SLC25A30: variants seen among roughly 807,000 people sequenced by gnomAD.
SLC25A30 encodes solute carrier family 25 member 30, also known as kidney mitochondrial carrier protein 1.
SLC25A30 carries 29 observed loss-of-function variants against 42.7 expected under a neutral mutation model. That is an observed-to-expected ratio of 0.68 (90% CI 0.51 to 0.93). The LOEUF (loss-of-function observed/expected upper bound fraction) is 0.93. SLC25A30 is among the 40% of genes least tolerant of loss of function. The pLI is 0.00. For missense variants in SLC25A30, 300 were observed against 359.7 expected (o/e 0.83, Z 1.34); for synonymous variants, 124 against 131.0 (o/e 0.95, Z 0.37).
chr13:45,398,915 T>A (rs201590763), intron 8 of SLC25A30, 25 bp downstream of exon 8: 3 of 1,608,746 alleles, frequency 1.9e-6, no homozygotes, highest in Non-Finnish European at 2.5e-6. Context: ...TTCACAACCC[T>A]GCAGAGACAG....
the SLC25A30 span, among the ~76,000 whole-genome samples, chr13:45,423,948 A>ATATATGAATATATATAAAC: frequency 4.1e-5 from 2 of 48,668 alleles, no homozygotes; most frequent in Non-Finnish European, 8.7e-5. Context: ...TATATAAAAA[A>ATATATGAATATATATAAAC]ATATATGAAT....
chr13:45,410,142 T>G (rs2137676135), intron 2 of SLC25A30, among the ~76,000 whole-genome samples: 1 of 152,326 alleles, frequency 6.6e-6, no homozygotes, highest in South Asian at 2.1e-4. Context: ...GCTGAATGAA[T>G]GACTCCAGAG....
chr13:45,423,869 T>TC, the SLC25A30 span, among the ~76,000 whole-genome samples: 2 of 60,374 alleles, frequency 3.3e-5, no homozygotes, highest in Non-Finnish European at 6.2e-5. Flanking sequence ...TAAATATATA[T>TC]AAAATATATA....
chr13:45,404,718 T>G (rs547023250), intron 4 of SLC25A30, among the ~76,000 whole-genome samples: 95 of 152,208 alleles, frequency 6.2e-4, no homozygotes, highest in Non-Finnish European at 1.0e-3. Flanking sequence ...ACTTGGAGGC[T>G]GAGGCAGGAG....
rs1047981142 is a variant in SLC25A30 at position 45,401,398 on chromosome 13, G to C, written c.490-191C>G. Reference sequence around the variant, plus strand: ...CTCAAAAACTCTGAAGTCTAATTCTGATGCTGGCATTAACTATATGACCTT... The same window carrying C: ...CTCAAAAACTCTGAAGTCTAATTCTCATGCTGGCATTAACTATATGACCTT... On this transcript the variant is annotated intron_variant, in intron 6 of 9. Transcript: ENST00000519676. 4.7e-4 allele frequency among the ~76,000 whole-genome samples: 71 copies of C among 152,342 alleles called. 1 individual carries two copies. The highest frequency in any genetic ancestry group is 1.6e-3 in the African/African-American group (67 of 41,576).
rs1881227861 is a variant in SLC25A30 at position 45,395,338 on chromosome 13, C to T, written c.*636G>A. ...ACCACCACGAATTTAGAGATTATTA[C>T]TTTGTAACAATTTCTCACAAATGTC... is the stretch of plus-strand genomic sequence containing the variant. On this transcript the variant is annotated 3_prime_UTR_variant, in exon 10 of 10. Coordinates refer to ENST00000519676, the MANE Select transcript of SLC25A30 (RefSeq NM_001010875.4). The T allele has an allele frequency of 2.0e-6, 2 of 986,586 alleles. No individual in the cohort carries two copies. Among genetic ancestry groups the T allele is most frequent in the Non-Finnish European group, 2.4e-6 (2 of 830,670 alleles). The allele number at this position is 986,586 out of a possible 1,614,324, so 61.1% of individuals were successfully genotyped here. A position where few individuals can be genotyped will look rare whatever the true frequency, so the allele number is the denominator to read the frequency against.
In SLC25A30 at chr13:45,394,419, C is replaced by T. The variant is rs1881165409; in HGVS notation, c.*1555G>A. ...AAAACCTGCAGTCCTTCTATTCAGT[C>T]TCAACAAAGAGACTGGCCAGACTGG... On this transcript the variant is annotated 3_prime_UTR_variant, in exon 10 of 10. Transcript: ENST00000519676. The T allele has an allele frequency of 4.1e-6, 4 of 985,380 alleles. No homozygotes were observed. Among genetic ancestry groups the T allele is most frequent in the Non-Finnish European group, 4.8e-6 (4 of 829,938 alleles). 61.0% of individuals were successfully genotyped at this position (985,380 alleles called of 1,614,324 possible).
At chr13:45,415,209 C>A (rs771780201) in intron 1 of SLC25A30, among the ~76,000 whole-genome samples, 12 of 152,142 alleles carry the variant, frequency 7.9e-5, no homozygotes, top group Non-Finnish European at 1.3e-4. Context: ...GTATCATTAT[C>A]CACATCTCAC....
chr13:45,423,787 T>TATAA, the SLC25A30 span, among the ~76,000 whole-genome samples: 1 of 54,278 alleles, frequency 1.8e-5, no homozygotes, highest in East Asian at 4.3e-4. Flanking sequence ...AATATATAAA[T>TATAA]ATATAAATAT....
intron 7 of SLC25A30, 114 bp downstream of exon 7, chr13:45,400,969 A>T (rs1881911746): frequency 1.1e-6 from 1 of 907,192 alleles, no homozygotes; most frequent in African/African-American, 1.7e-5. Flanking sequence ...AAGGACTTCT[A>T]CCTGGTCCTG....
chr13:45,407,877 T>G (rs1460084386), intron 3 of SLC25A30, among the ~76,000 whole-genome samples: 1 of 152,210 alleles, frequency 6.6e-6, no homozygotes, highest in Non-Finnish European at 1.5e-5. Flanking sequence ...CGTAGTGCTA[T>G]CAGTCCTACA....
chr13:45,408,403 A>C (rs1229252888), intron 3 of SLC25A30, among the ~76,000 whole-genome samples: 2 of 152,176 alleles, frequency 1.3e-5, no homozygotes, highest in Non-Finnish European at 2.9e-5. Context: ...GTGGGTCACC[A>C]GTTTGTGCTG....
chr13:45,404,590 G>A (rs1882320821), intron 4 of SLC25A30, among the ~76,000 whole-genome samples, 178 bp from the exon 5 acceptor site: 1 of 152,170 alleles, frequency 6.6e-6, no homozygotes, highest in Non-Finnish European at 1.5e-5. Context: ...ATACCAAGGT[G>A]GGGAGATCAC....
chr13:45,396,130 T>C, intron 9 of SLC25A30, 115 bp from the exon 10 acceptor site: 2 of 1,602,204 alleles, frequency 1.2e-6, no homozygotes, highest in Non-Finnish European at 1.7e-6. Flanking sequence ...AGACCCACGC[T>C]ATGGACACGA....
At chr13:45,399,766 TTC>T (rs1405042962) in intron 7 of SLC25A30, among the ~76,000 whole-genome samples, 2 of 151,952 alleles carry the variant, frequency 1.3e-5, no homozygotes, top group Non-Finnish European at 2.9e-5. Flanking sequence ...ATTATATCAT[TTC>T]CTAGATATCA....
At chr13:45,400,294 C>T (rs1267758334) in intron 7 of SLC25A30, among the ~76,000 whole-genome samples, 2 of 151,574 alleles carry the variant, frequency 1.3e-5, no homozygotes, top group African/African-American at 2.4e-5. Context: ...TGGTGGCATG[C>T]GCCGGCAGTC....
chr13:45,402,893 T>C, intron 5 of SLC25A30: 1 of 762,868 alleles, frequency 1.3e-6, no homozygotes, highest in Non-Finnish European at 1.6e-6. Context: ...TTACACTCTG[T>C]TACACTTTAA....
At chr13:45,423,884 T>A in the SLC25A30 span, among the ~76,000 whole-genome samples, 1,556 of 44,116 alleles carry the variant, frequency 0.035, 82 homozygotes, top group African/African-American at 0.088. Context: ...TATATAAAAA[T>A]ATATATATAA....
chr13:45,412,151 A>C (rs1883090650), intron 1 of SLC25A30, among the ~76,000 whole-genome samples: 1 of 151,534 alleles, frequency 6.6e-6, no homozygotes, highest in Non-Finnish European at 1.5e-5. Flanking sequence ...ACAGGGTCTC[A>C]CCCTGTCACA....
Sources: allele counts gnomAD v4.1 joint callset (sites outside exome capture counted in the v4.1 genomes callset), GRCh38; gene constraint gnomAD v4.1.1; transcripts MANE v1.5; gene names NCBI Gene and HGNC (gene_info 2026-07-23, HGNC 2026-07-21).